The following NBEA variants were observed in gnomAD, a reference collection of about 807,000 sequenced individuals.
NBEA encodes lysosomal-trafficking regulator 2.
NBEA carries 44 observed loss-of-function variants against 343.4 expected under a neutral mutation model. The observed-to-expected ratio is 0.13, with a 90% CI of 0.10 to 0.16. The LOEUF (loss-of-function observed/expected upper bound fraction) is 0.16, where lower values mean the gene tolerates loss of function less well. Among genes scored for constraint, NBEA ranks in the 10% least tolerant of loss-of-function variants. The probability of loss-of-function intolerance (pLI) is 1.00; values close to 1 mark genes in which losing one functional copy is unlikely to be tolerated. For missense variants in NBEA, 2,555 were observed against 3,631.3 expected, an observed-to-expected ratio of 0.70 and a Z score of 7.62; for synonymous variants, 1,175 against 1,238.7, an observed-to-expected ratio of 0.95 and a Z score of 1.08.
intron 38 of NBEA, among the ~76,000 whole-genome samples, chr13:35,389,216 T>G (rs1222843469): frequency 2.0e-5 from 3 of 152,136 alleles, no homozygotes; most frequent in African/African-American, 7.2e-5. Context: ...TGTATCAGCC[T>G]GTGGTACTTA....
At chr13:35,610,367 G>A (rs186074508) in intron 48 of NBEA, among the ~76,000 whole-genome samples, 176 of 152,056 alleles carry the variant, frequency 1.2e-3, no homozygotes, top group African/African-American at 4.0e-3. Context: ...CACTCCAGCC[G>A]AGATCGCGCC....
At chr13:35,668,608 C>A in intron 58 of NBEA, 89 bp downstream of exon 58, 2 of 1,248,044 alleles carry the variant, frequency 1.6e-6, no homozygotes, top group African/African-American at 1.5e-5. Context: ...GCTGTGAGTG[C>A]AATTCCAGCA....
At chr13:35,458,373 T>TA (rs2046700759) in intron 40 of NBEA, among the ~76,000 whole-genome samples, 1 of 152,236 alleles carries the variant, frequency 6.6e-6, no homozygotes, top group Admixed American at 6.5e-5. Flanking sequence ...ACAGCATTCA[T>TA]ATACTGTGTA....
At position 35,352,253 on chromosome 13, in the gene NBEA, A is replaced by G. The variant is rs1321217685; in HGVS notation, c.6109A>G (p.Asn2037Asp). Residue 2037 changes from asparagine (N) to aspartate (D), a missense_variant, in exon 38 of 59, where the codon AAT becomes GAT. Physicochemically the swap from Asn to Asp is conservative, Grantham distance 23 (BLOSUM62 1). This residue lies in a region of NBEA where 246 missense variants were observed against 313.7 expected (regional missense o/e 0.78). Transcript: ENST00000379939. ...AAKHRDHVTANQLKQKILNIL... is the reference protein window; with the variant it reads ...AAKHRDHVTADQLKQKILNIL... Reference sequence around the variant, plus strand: ...TAAACATCGAGATCATGTAACAGCAAATCAGCTGAAACAGAAGATTCTCAA... The same window carrying G: ...TAAACATCGAGATCATGTAACAGCAGATCAGCTGAAACAGAAGATTCTCAA... The G allele has an allele frequency of 3.2e-6, 5 of 1,563,510 alleles. No homozygotes were observed. The highest frequency in any genetic ancestry group is 4.3e-6 in the Non-Finnish European group (5 of 1,150,904).
chr13:35,522,594 C>T (rs1241642506), intron 41 of NBEA, among the ~76,000 whole-genome samples: 1 of 151,618 alleles, frequency 6.6e-6, no homozygotes, highest in African/African-American at 2.4e-5. Context: ...ATGGGGTCCC[C>T]ACCCTCCCCT....
chr13:35,275,594 C>A (rs1278131923), intron 34 of NBEA, among the ~76,000 whole-genome samples: 1 of 151,988 alleles, frequency 6.6e-6, no homozygotes, highest in African/African-American at 2.4e-5. Flanking sequence ...AAAATTTTTG[C>A]AATCTACTCA....
Position 35,073,699 on chromosome 13 carries a change from G to A in NBEA, c.1571+2847G>A, listed in dbSNP as rs568984058. ...CTAACGTCTGTAATCCCAGCACCTT[G>A]GGAGGCTGAGAGTGGTAGATTGCTT... On this transcript the variant is annotated intron_variant, in intron 10 of 58. Coordinates refer to ENST00000379939, the MANE Select transcript of NBEA (RefSeq NM_001385012.1). 3.3e-5 allele frequency among the ~76,000 whole-genome samples: 5 copies of A among 152,194 alleles called. No individual in the cohort carries two copies. In the East Asian group the frequency reaches 9.7e-4, roughly 29 times the overall value.
At chr13:35,619,825 G>A (rs1479668319) in intron 48 of NBEA, among the ~76,000 whole-genome samples, 1 of 152,194 alleles carries the variant, frequency 6.6e-6, no homozygotes, top group African/African-American at 2.4e-5. Context: ...TTCTCAAATT[G>A]AGGACTTGTT....
At chr13:35,281,328 G>A (rs1694610090) in intron 34 of NBEA, among the ~76,000 whole-genome samples, 2 of 152,024 alleles carry the variant, frequency 1.3e-5, no homozygotes, top group Non-Finnish European at 2.9e-5. Context: ...CTTAAATGGA[G>A]GATTCGTAAG....
chr13:35,411,643 T>TTG (rs1374460366), intron 38 of NBEA, among the ~76,000 whole-genome samples: 4 of 109,756 alleles, frequency 3.6e-5, no homozygotes, highest in African/African-American at 1.1e-4. Context: ...TTTTTGTTTT[T>TTG]TGTTTTGTTG....
At chr13:35,567,704 G>T (rs2080200119) in intron 45 of NBEA, among the ~76,000 whole-genome samples, 1 of 152,190 alleles carries the variant, frequency 6.6e-6, no homozygotes. Context: ...CATTGACTTG[G>T]AATGTATCTC....
intron 38 of NBEA, among the ~76,000 whole-genome samples, chr13:35,363,658 T>A (rs1024466286): frequency 1.3e-5 from 2 of 151,900 alleles, no homozygotes; most frequent in Admixed American, 1.3e-4. Flanking sequence ...AAATTTTGCT[T>A]ATTTCTCTGA....
At chr13:34,970,986 T>C (rs572591777) in intron 1 of NBEA, among the ~76,000 whole-genome samples, 18 of 152,354 alleles carry the variant, frequency 1.2e-4, no homozygotes, top group Admixed American at 2.6e-4. Context: ...TTTAATGATA[T>C]TGATTTTTCC....
At chr13:35,653,861 G>A (rs916897958) in intron 53 of NBEA, among the ~76,000 whole-genome samples, 1 of 152,082 alleles carries the variant, frequency 6.6e-6, no homozygotes, top group Non-Finnish European at 1.5e-5. Context: ...AAAATTAATA[G>A]GTCTATTCTA....
intron 35 of NBEA, among the ~76,000 whole-genome samples, chr13:35,307,728 TTTAAG>T (rs1263877440): frequency 6.6e-6 from 1 of 152,080 alleles, no homozygotes; most frequent in African/African-American, 2.4e-5. Flanking sequence ...CAATTTTCTC[TTTAAG>T]TTAATATCCC....
chr13:34,950,504 C>T (rs1419939840), intron 1 of NBEA, among the ~76,000 whole-genome samples: 3 of 151,092 alleles, frequency 2.0e-5, no homozygotes, highest in East Asian at 1.9e-4. Flanking sequence ...TATTTAAATA[C>T]TAATGTTTAA....
intron 41 of NBEA, among the ~76,000 whole-genome samples, chr13:35,498,966 T>G (rs1392137164): frequency 6.6e-6 from 1 of 152,106 alleles, no homozygotes; most frequent in Non-Finnish European, 1.5e-5. Flanking sequence ...GTGGAATTTG[T>G]GTGACCACAC....
chr13:35,161,608 A>C (rs144309903), intron 22 of NBEA, 142 bp from the exon 23 acceptor site: 1 of 734,972 alleles, frequency 1.4e-6, no homozygotes, highest in East Asian at 2.8e-5. Context: ...TACCAGGTGA[A>C]TAATATATGT....
chr13:35,432,197 T>C, intron 38 of NBEA, 72 bp from the exon 39 acceptor site: 1 of 1,331,526 alleles, frequency 7.5e-7, no homozygotes, highest in Admixed American at 2.9e-5. Context: ...ATAACTTCAA[T>C]TTTATAGAAA....
Sources: gnomAD v4.1 joint callset for allele counts (sites outside exome capture counted in the v4.1 genomes callset) on GRCh38, gnomAD v4.1.1 for gene constraint, gnomAD v4.1.1 regional missense constraint, MANE v1.5 for transcripts, NCBI Gene and HGNC (gene_info 2026-07-23, HGNC 2026-07-21) for gene names.